The following SNTG2 variants were observed in gnomAD, a reference collection of about 807,000 sequenced individuals.
The protein encoded by SNTG2 is gamma-2-syntrophin.
Under a neutral mutation model 70.9 loss-of-function variants are expected in SNTG2, and 74 were observed. The ratio of observed to expected loss-of-function variants is 1.04; its 90% CI spans 0.86 to 1.27. The LOEUF (loss-of-function observed/expected upper bound fraction) is 1.27, where lower values mean the gene tolerates loss of function less well. Ranked by LOEUF, SNTG2 falls within the 50% of genes most tolerant of loss-of-function variation. The pLI, the probability that SNTG2 is intolerant of heterozygous loss-of-function variation, is 0.00. For missense variants in SNTG2, 717 were observed against 690.7 expected, an observed-to-expected ratio of 1.04 and a Z score of -0.43; for synonymous variants, 278 against 273.8, an observed-to-expected ratio of 1.02 and a Z score of -0.15.
At chr2:1,072,343 C>CT (rs1412825740) in intron 1 of SNTG2, among the ~76,000 whole-genome samples, 3,608 of 23,248 alleles carry the variant, frequency 0.16, 191 homozygotes, top group African/African-American at 0.27. Context: ...TTTTCTTTTT[C>CT]TTTTTCTTTT....
chr2:1,090,541 G>T (rs1256324828), intron 2 of SNTG2, among the ~76,000 whole-genome samples: 6 of 152,158 alleles, frequency 3.9e-5, no homozygotes, highest in Admixed American at 6.5e-5. Context: ...AAAAGTTTTA[G>T]AGCAGGAATG....
At chr2:977,286 G>A (rs868045841) in intron 1 of SNTG2, among the ~76,000 whole-genome samples, 4 of 152,160 alleles carry the variant, frequency 2.6e-5, no homozygotes, top group South Asian at 2.1e-4. Context: ...TTTGCCCTGC[G>A]TTAGAAGATT....
Position 1,019,026 on chromosome 2 carries a change from T to C in SNTG2, c.73-64492T>C, listed in dbSNP as rs903605743. Among the ~76,000 whole-genome samples the C allele has an allele frequency of 2.0e-5, 3 of 152,176 alleles. No homozygotes were observed. In the South Asian group the frequency reaches 6.2e-4, roughly 32 times the overall value. On this transcript the variant is annotated intron_variant, in intron 1 of 16. Transcript: ENST00000308624. ...GCTCTATCTACAGTGCTGACAGCGC[T>C]GCATGTTTTACTAGAAGGACCTGGC...
chr2:1,038,059 T>C (rs1661230537), intron 1 of SNTG2, among the ~76,000 whole-genome samples: 1 of 152,140 alleles, frequency 6.6e-6, no homozygotes, highest in Non-Finnish European at 1.5e-5. Flanking sequence ...TTCCTCCCAG[T>C]GGTATATGAA....
chr2:1,126,216 A>G (rs1418326513), intron 4 of SNTG2, among the ~76,000 whole-genome samples: 2 of 152,184 alleles, frequency 1.3e-5, no homozygotes, highest in Non-Finnish European at 2.9e-5. Flanking sequence ...CAGCTTCCGC[A>G]TATGAGTGAG....
At chr2:1,360,112 C>T (rs895267883) in intron 16 of SNTG2, among the ~76,000 whole-genome samples, 7 of 152,140 alleles carry the variant, frequency 4.6e-5, no homozygotes, top group East Asian at 1.9e-4. Flanking sequence ...CATTTTCTAT[C>T]GATGCTTAAC....
intron 14 of SNTG2, among the ~76,000 whole-genome samples, chr2:1,307,768 G>A (rs1232770629): frequency 2.6e-5 from 4 of 152,244 alleles, no homozygotes; most frequent in Non-Finnish European, 5.9e-5. Flanking sequence ...CAACATGGCT[G>A]CGAGTGCATT....
intron 1 of SNTG2, among the ~76,000 whole-genome samples, chr2:1,045,072 C>T (rs1190204229): frequency 6.6e-6 from 1 of 151,766 alleles, no homozygotes; most frequent in Non-Finnish European, 1.5e-5. Context: ...ATTTTGGAAA[C>T]TAACATTGGT....
chr2:1,176,301 G>C (rs1284378852), intron 8 of SNTG2, among the ~76,000 whole-genome samples: 1 of 152,090 alleles, frequency 6.6e-6, no homozygotes, highest in Non-Finnish European at 1.5e-5. Context: ...ACCTACCTGA[G>C]GGTGAAGGGT....
chr2:1,111,499 G>A (rs1240255005), intron 4 of SNTG2, among the ~76,000 whole-genome samples: 1 of 152,150 alleles, frequency 6.6e-6, no homozygotes, highest in Non-Finnish European at 1.5e-5. Context: ...CAAATCCTTC[G>A]GGCCCCAAAG....
intron 8 of SNTG2, among the ~76,000 whole-genome samples, chr2:1,194,795 G>T (rs1039136398): frequency 6.6e-6 from 1 of 152,052 alleles, no homozygotes; most frequent in Non-Finnish European, 1.5e-5. Flanking sequence ...TGTTACATAG[G>T]TATACACGTG....
chr2:1,040,085 G>A (rs955333044), intron 1 of SNTG2, among the ~76,000 whole-genome samples: 1 of 152,164 alleles, frequency 6.6e-6, no homozygotes, highest in African/African-American at 2.4e-5. Context: ...GAACACTGGG[G>A]CCTCTGTCCT....
chr2:1,140,481 G>C (rs1668672148), intron 6 of SNTG2, among the ~76,000 whole-genome samples: 1 of 152,180 alleles, frequency 6.6e-6, no homozygotes, highest in Non-Finnish European at 1.5e-5. Flanking sequence ...GGGATGTCTC[G>C]GGGGCGGGCA....
chr2:1,310,560 G>C (rs1680934199), intron 15 of SNTG2, among the ~76,000 whole-genome samples: 5 of 152,158 alleles, frequency 3.3e-5, no homozygotes, highest in Admixed American at 3.3e-4. Context: ...CCTTGGGTGG[G>C]AGTGATGTTT....
intron 9 of SNTG2, among the ~76,000 whole-genome samples, chr2:1,217,886 A>G (rs956999535): frequency 1.3e-5 from 2 of 151,956 alleles, no homozygotes; most frequent in African/African-American, 4.8e-5. Flanking sequence ...AGACTGTTTT[A>G]TTATCTCACA....
chr2:1,221,486 T>C (rs1674845039), intron 9 of SNTG2, among the ~76,000 whole-genome samples: 1 of 79,588 alleles, frequency 1.3e-5, no homozygotes, highest in Admixed American at 1.2e-4. Flanking sequence ...TCTCTCTCTC[T>C]CTGTCTCTCT....
chr2:1,186,894 C>T (rs954171381), intron 8 of SNTG2, among the ~76,000 whole-genome samples: 1 of 152,106 alleles, frequency 6.6e-6, no homozygotes, highest in Non-Finnish European at 1.5e-5. Flanking sequence ...AGTGACTCTA[C>T]TAGATATTAT....
chr2:1,198,966 A>G (rs1160475972), intron 8 of SNTG2, among the ~76,000 whole-genome samples: 1 of 152,078 alleles, frequency 6.6e-6, no homozygotes, highest in Non-Finnish European at 1.5e-5. Context: ...AAGAAGAACT[A>G]ACATCCATAC....
At chr2:1,057,471 C>A (rs1366255801) in intron 1 of SNTG2, among the ~76,000 whole-genome samples, 1 of 152,116 alleles carries the variant, frequency 6.6e-6, no homozygotes, top group Non-Finnish European at 1.5e-5. Flanking sequence ...GAAGCCAGTT[C>A]GAGTCCCAAA....
Sources: allele counts gnomAD v4.1 joint callset (sites outside exome capture counted in the v4.1 genomes callset), GRCh38; gene constraint gnomAD v4.1.1; transcripts MANE v1.5; gene names NCBI Gene and HGNC (gene_info 2026-07-23, HGNC 2026-07-21).